The following GRID2 variants were observed in gnomAD, a reference collection of about 807,000 sequenced individuals.
The protein encoded by GRID2 is glutamate receptor ionotropic, delta-2.
Under a neutral mutation model 114.8 loss-of-function variants are expected in GRID2, and 33 were observed. That is an observed-to-expected ratio of 0.29 (90% CI 0.22 to 0.38). The LOEUF is 0.38. GRID2 is among the 10% of genes least tolerant of loss of function. The probability of loss-of-function intolerance (pLI) is 1.00; values close to 1 mark genes in which losing one functional copy is unlikely to be tolerated. For missense variants in GRID2, 1,184 were observed against 1,257.7 expected (o/e 0.94, Z 0.89); for synonymous variants, 505 against 449.9 (o/e 1.12, Z -1.55).
At chr4:92,528,332 A>G (rs1725145449) in intron 1 of GRID2, among the ~76,000 whole-genome samples, 1 of 150,414 alleles carries the variant, frequency 6.6e-6, no homozygotes, top group Non-Finnish European at 1.5e-5. Context: ...GATAATTACT[A>G]TACATATATA....
intron 4 of GRID2, among the ~76,000 whole-genome samples, chr4:93,181,526 A>T (rs1188345610): frequency 1.3e-5 from 2 of 152,202 alleles, no homozygotes; most frequent in Non-Finnish European, 2.9e-5. Flanking sequence ...CTTTCTGGTT[A>T]TGAAAGTCCC....
chr4:92,670,423 C>T (rs1039344029), intron 2 of GRID2, among the ~76,000 whole-genome samples: 1 of 151,892 alleles, frequency 6.6e-6, no homozygotes, highest in Non-Finnish European at 1.5e-5. Flanking sequence ...TCTTCTTTCA[C>T]AGTTATTTCA....
chr4:93,503,231 G>A (rs1390113883), intron 12 of GRID2, among the ~76,000 whole-genome samples: 2 of 152,070 alleles, frequency 1.3e-5, no homozygotes, highest in Non-Finnish European at 2.9e-5. Context: ...ACTGGAGTTG[G>A]CAGGCAGAGC....
At chr4:93,427,922 G>A (rs796722094) in intron 10 of GRID2, among the ~76,000 whole-genome samples, 30 of 151,974 alleles carry the variant, frequency 2.0e-4, no homozygotes, top group African/African-American at 7.2e-4. Flanking sequence ...AATATTTAAG[G>A]GTGAGTTAAT....
intron 2 of GRID2, among the ~76,000 whole-genome samples, chr4:92,642,588 T>G (rs1421622842): frequency 2.0e-5 from 3 of 151,874 alleles, no homozygotes. Context: ...GGTTGTCTGT[T>G]TACTCTGTTT....
chr4:93,389,739 T>A (rs1429830790), intron 8 of GRID2, among the ~76,000 whole-genome samples: 1 of 152,124 alleles, frequency 6.6e-6, no homozygotes, highest in African/African-American at 2.4e-5. Flanking sequence ...AGAGGTTAAG[T>A]AGCCATTCTA....
chr4:92,313,332 G>T (rs890326765), intron 1 of GRID2, among the ~76,000 whole-genome samples: 1 of 151,952 alleles, frequency 6.6e-6, no homozygotes, highest in Non-Finnish European at 1.5e-5. Flanking sequence ...TTGCGAAGAA[G>T]GGTTGGTGGG....
intron 1 of GRID2, among the ~76,000 whole-genome samples, chr4:92,422,579 T>C (rs1300953518): frequency 6.6e-6 from 1 of 151,994 alleles, no homozygotes; most frequent in African/African-American, 2.4e-5. Flanking sequence ...GAATTGAAGC[T>C]GTCCTCTTGT....
In GRID2 at chr4:92,443,896, C is replaced by T. The variant is rs573880899; in HGVS notation, c.88+139152C>T. Among the ~76,000 whole-genome samples the T allele has an allele frequency of 3.6e-4, 55 of 152,146 alleles. 1 individual carries two copies. The highest frequency in any genetic ancestry group is 2.2e-4 in the Non-Finnish European group (15 of 68,038). Reference sequence around the variant, plus strand: ...TGCCTTTCCAGTCTGTGACCGGCACCAGAGTTTTGGGTCCACAGATAAAAT... The same window carrying T: ...TGCCTTTCCAGTCTGTGACCGGCACTAGAGTTTTGGGTCCACAGATAAAAT... On this transcript the variant is annotated intron_variant, in intron 1 of 15. Transcript: ENST00000282020.
intron 1 of GRID2, among the ~76,000 whole-genome samples, chr4:92,584,837 C>T (rs950573449): frequency 6.6e-6 from 1 of 151,988 alleles, no homozygotes; most frequent in African/African-American, 2.4e-5. Context: ...GGACACCTAA[C>T]CTCCTACTCT....
At chr4:92,625,964 G>A (rs1031884629) in intron 2 of GRID2, among the ~76,000 whole-genome samples, 6 of 151,802 alleles carry the variant, frequency 4.0e-5, no homozygotes, top group South Asian at 2.1e-4. Flanking sequence ...TTAAAATTCT[G>A]TTTTACAGGA....
At chr4:93,719,176 TAAAAG>T (rs1729149703) in intron 14 of GRID2, among the ~76,000 whole-genome samples, 1 of 151,918 alleles carries the variant, frequency 6.6e-6, no homozygotes. Flanking sequence ...CATAAACACT[TAAAAG>T]AGAAAAAACA....
chr4:93,011,925 A>T (rs765117859), intron 2 of GRID2, among the ~76,000 whole-genome samples: 52 of 151,994 alleles, frequency 3.4e-4, no homozygotes, highest in Non-Finnish European at 6.5e-4. Context: ...ATGTACAATG[A>T]TATGTACTAT....
intron 14 of GRID2, among the ~76,000 whole-genome samples, chr4:93,645,525 G>C (rs1426616709): frequency 2.0e-5 from 3 of 152,080 alleles, no homozygotes; most frequent in African/African-American, 7.2e-5. Flanking sequence ...AAAGGTTGAG[G>C]CAAAAATGTG....
intron 1 of GRID2, among the ~76,000 whole-genome samples, chr4:92,341,370 C>A (rs1297043665): frequency 1.3e-5 from 2 of 152,084 alleles, no homozygotes; most frequent in African/African-American, 2.4e-5. Flanking sequence ...CAAGAGATGG[C>A]AGTTCTCCAC....
intron 1 of GRID2, among the ~76,000 whole-genome samples, chr4:92,484,991 A>T (rs987425770): frequency 2.6e-5 from 4 of 152,064 alleles, no homozygotes; most frequent in African/African-American, 9.7e-5. Flanking sequence ...TGCTTACCAT[A>T]CATTTAAGAA....
chr4:92,441,856 T>C (rs957426421), intron 1 of GRID2, among the ~76,000 whole-genome samples: 1 of 151,876 alleles, frequency 6.6e-6, no homozygotes, highest in African/African-American at 2.4e-5. Context: ...GGCTTTGGAT[T>C]GGGAAGAAGG....
chr4:93,487,629 T>C (rs1210161786), intron 11 of GRID2, among the ~76,000 whole-genome samples: 1 of 151,888 alleles, frequency 6.6e-6, no homozygotes, highest in Non-Finnish European at 1.5e-5. Flanking sequence ...CACCTAACCA[T>C]TGAATACTTT....
chr4:93,167,881 G>T (rs1738405031), intron 4 of GRID2, among the ~76,000 whole-genome samples: 1 of 151,984 alleles, frequency 6.6e-6, no homozygotes, highest in Non-Finnish European at 1.5e-5. Flanking sequence ...TAGGGTGGTG[G>T]TGGTGAGTAT....
Sources: allele counts gnomAD v4.1 joint callset (sites outside exome capture counted in the v4.1 genomes callset), GRCh38; gene constraint gnomAD v4.1.1; transcripts MANE v1.5; gene names NCBI Gene and HGNC (gene_info 2026-07-23, HGNC 2026-07-21).